CLSPN: variants seen among roughly 807,000 people sequenced by gnomAD.
The protein encoded by CLSPN is claspin, also known as claspin homolog.
In CLSPN, 85 loss-of-function variants were observed where a neutral mutation model predicts 156.3. That is an observed-to-expected ratio of 0.54 (90% CI 0.46 to 0.65). The LOEUF is 0.65. Among genes scored for constraint, CLSPN ranks in the 30% least tolerant of loss-of-function variants. The pLI is 0.00. For missense variants in CLSPN, 1,407 were observed against 1,554.9 expected (o/e 0.90, Z 1.60); for synonymous variants, 534 against 542.4 (o/e 0.98, Z 0.22).
chr1:35,732,631 T>A lies in CLSPN; in HGVS notation c.*3865A>T. 1.0e-6 allele frequency: 1 copy of A among 985,460 alleles called. No homozygotes were observed. The highest frequency in any genetic ancestry group is 1.2e-6 in the Non-Finnish European group (1 of 829,942). The allele number at this position is 985,460 out of a possible 1,614,324, so 61.0% of individuals were successfully genotyped here. On this transcript the variant is annotated 3_prime_UTR_variant, in exon 25 of 25. Transcript: ENST00000318121. ...AAGGAAGAAACAAAAACACTGACAC[T>A]GAGCCTACCCTATCTCCCACACTCA... is the stretch of plus-strand genomic sequence containing the variant.
At chr1:35,724,751 C>T (rs974609943) in intron 24 of CLSPN, among the ~76,000 whole-genome samples, 1 of 152,250 alleles carries the variant, frequency 6.6e-6, no homozygotes. Context: ...GGACCTTTGA[C>T]ATGCCAAAGA....
chr1:35,726,388 G>T (rs1321018051), intron 24 of CLSPN, among the ~76,000 whole-genome samples: 1 of 152,094 alleles, frequency 6.6e-6, no homozygotes, highest in African/African-American at 2.4e-5. Flanking sequence ...ATTCCCAGAA[G>T]AATCTCTTAG....
At position 35,760,482 on chromosome 1, in the gene CLSPN, GATTT is replaced by G; in HGVS notation, c.1435_1438del (p.Lys479HisfsTer10). On this transcript the variant is annotated frameshift_variant, in exon 8 of 25. Transcript: ENST00000318121. LOFTEE classifies it high-confidence loss of function. Reference sequence around the variant, plus strand: ...TTTTTCAGGTGGCCCAACTGCTGATGATTTATTTTGCTGCTCAGGCTCTTCCACT... The same window carrying G: ...TTTTTCAGGTGGCCCAACTGCTGATGATTTTGCTGCTCAGGCTCTTCCACT... 6.2e-7 allele frequency: 1 copy of G among 1,614,194 alleles called. No individual in the cohort carries two copies. Among genetic ancestry groups the G allele is most frequent in the Non-Finnish European group, 8.5e-7 (1 of 1,180,036 alleles).
chr1:35,765,364 T>G (rs1205171058), intron 1 of CLSPN, 38 bp from the exon 2 acceptor site: 1 of 1,427,700 alleles, frequency 7.0e-7, no homozygotes, highest in African/African-American at 1.4e-5. Flanking sequence ...AACCAGCAGG[T>G]GACCGAAAGC....
At position 35,743,453 on chromosome 1, in the gene CLSPN, A is replaced by T; in HGVS notation, c.3042+2T>A. 1 of 1,610,710 alleles carries T rather than the reference A, an allele frequency of 6.2e-7. No individual in the cohort carries two copies. On this transcript the variant is annotated splice_donor_variant, in intron 17 of 24. Transcript: ENST00000318121. LOFTEE classifies it high-confidence loss of function. ...TGATTACTTTGTTCCCTTCATACTC[A>T]CCTCATCACTATCAAACTCATTATC...
downstream of CLSPN, among the ~76,000 whole-genome samples, chr1:35,727,902 C>T (rs1641229939): frequency 6.6e-6 from 1 of 152,094 alleles, no homozygotes; most frequent in African/African-American, 2.4e-5. Flanking sequence ...ATTTCTCAGG[C>T]CAGAAAGGGT....
intron 8 of CLSPN, among the ~76,000 whole-genome samples, chr1:35,758,903 G>A (rs1230740058): frequency 2.0e-5 from 3 of 151,160 alleles, no homozygotes; most frequent in African/African-American, 7.3e-5. Flanking sequence ...CGAGTAGCTG[G>A]AACTACAGGT....
At position 35,748,510 on chromosome 1, in the gene CLSPN, G is replaced by A; in HGVS notation, c.2367C>T (p.Cys789=). The A allele has an allele frequency of 4.3e-6, 7 of 1,614,132 alleles. No individual in the cohort carries two copies. The highest frequency in any genetic ancestry group is 5.9e-6 in the Non-Finnish European group (7 of 1,179,990). The part of the protein sequence containing the change: ...IGSTIPSYQP[C]NRQTGRGTSF... ...TGGTCCCACGGCCTGTTTGTCTGTT[G>A]CAAGGCTGATAGGATGGAATCGTGG... The change falls in exon 13 of 25, where the codon TGC becomes TGT. Residue 789 remains cysteine, a synonymous_variant. Coordinates refer to ENST00000318121, the MANE Select transcript of CLSPN (RefSeq NM_022111.4).
chr1:35,724,547 G>GT lies in CLSPN; in HGVS notation c.3910-3568dup, dbSNP rs1427289567. 6.6e-5 allele frequency among the ~76,000 whole-genome samples: 10 copies of GT among 152,314 alleles called. No homozygotes were observed. In the East Asian group the frequency reaches 1.5e-3, roughly 23 times the overall value. ...AGCACGATCCTGGATTACAAACTAC[G>GT]TTGCTAACCTGCTTTCTTCTCTCTT... On this transcript the variant is annotated intron_variant, in intron 24 of 24. Transcript: ENST00000251195.
chr1:35,756,650 A>G (rs992721663), intron 8 of CLSPN, among the ~76,000 whole-genome samples: 4 of 152,224 alleles, frequency 2.6e-5, no homozygotes, highest in African/African-American at 7.2e-5. Flanking sequence ...GCTCTTGTCC[A>G]GAAAGTAGAG....
At position 35,733,323 on chromosome 1, in the gene CLSPN, T is replaced by TC. The variant is rs1192759854; in HGVS notation, c.*3172_*3173insG. 3.8e-5 allele frequency: 9 copies of TC among 239,738 alleles called. No individual in the cohort carries two copies. Among genetic ancestry groups the TC allele is most frequent in the South Asian group, 1.5e-4 (1 of 6,480 alleles). 14.9% of individuals were successfully genotyped at this position (239,738 alleles called of 1,614,324 possible). On this transcript the variant is annotated 3_prime_UTR_variant, in exon 25 of 25. Coordinates refer to ENST00000318121, the MANE Select transcript of CLSPN (RefSeq NM_022111.4). ...GCACTAATTTTCTTTTTTTTTTCTT[T>TC]TTTTTTTTTTTTTTAGAGTTGGGAT...
At chr1:35,755,842 A>C (rs1050235849) in intron 8 of CLSPN, among the ~76,000 whole-genome samples, 1 of 152,128 alleles carries the variant, frequency 6.6e-6, no homozygotes, top group African/African-American at 2.4e-5. Flanking sequence ...CCAAGTAGCT[A>C]GGACTACAGG....
chr1:35,754,047 T>A (rs969768049), intron 8 of CLSPN, 111 bp from the exon 9 acceptor site: 1 of 941,448 alleles, frequency 1.1e-6, no homozygotes, highest in Non-Finnish European at 1.5e-6. Context: ...AAACCACACA[T>A]ACACAGAGAA....
intron 4 of CLSPN, among the ~76,000 whole-genome samples, 174 bp downstream of exon 4, chr1:35,762,986 G>C (rs1392114198): frequency 6.6e-6 from 1 of 151,452 alleles, no homozygotes; most frequent in African/African-American, 2.4e-5. Flanking sequence ...AAAGAAGTTA[G>C]CATGTCTATC....
intron 9 of CLSPN, among the ~76,000 whole-genome samples, chr1:35,751,793 A>C (rs1302635407): frequency 6.6e-6 from 1 of 152,150 alleles, no homozygotes; most frequent in Non-Finnish European, 1.5e-5. Context: ...AAAGCCATGA[A>C]GAAAAACATT....
In CLSPN at chr1:35,751,273, C is replaced by T. The variant is rs1329577318; in HGVS notation, c.2005G>A (p.Glu669Lys). The T allele has an allele frequency of 3.1e-6, 5 of 1,593,944 alleles. No homozygotes were observed. Among genetic ancestry groups the T allele is most frequent in the African/African-American group, 2.7e-5 (2 of 74,602 alleles). The change falls in exon 10 of 25, where the codon GAG becomes AAG. Residue 669 changes from glutamate to lysine, a missense_variant. Coordinates refer to ENST00000318121, the MANE Select transcript of CLSPN (RefSeq NM_022111.4). ...ACCTCCTGATTTCCTTCTTCTTCCTCCTCCTCTTCTTTCTCCTCCTCTTCC... is the reference window on the plus strand; with the variant it reads ...ACCTCCTGATTTCCTTCTTCTTCCTTCTCCTCTTCTTTCTCCTCCTCTTCC... ...LEEEEEKEEE[E>K]EEEGNQETAE...
chr1:35,737,518 T>A, intron 22 of CLSPN, 97 bp from the exon 23 acceptor site: 1 of 922,668 alleles, frequency 1.1e-6, no homozygotes, highest in Non-Finnish European at 1.7e-6. Context: ...TAAATCAATA[T>A]GCTAAAGCCA....
At chr1:35,751,697 G>A (rs1157408694) in intron 9 of CLSPN, among the ~76,000 whole-genome samples, 191 bp from the exon 10 acceptor site, 1 of 152,038 alleles carries the variant, frequency 6.6e-6, no homozygotes, top group Non-Finnish European at 1.5e-5. Context: ...CTGCACCCTA[G>A]ATAGTATACT....
chr1:35,739,051 T>C, intron 20 of CLSPN, 85 bp downstream of exon 20: 1 of 1,497,292 alleles, frequency 6.7e-7, no homozygotes, highest in Non-Finnish European at 9.2e-7. Flanking sequence ...CACCTGCCTC[T>C]GCCTCCCAAA....
Sources: allele counts gnomAD v4.1 joint callset (sites outside exome capture counted in the v4.1 genomes callset), GRCh38; gene constraint gnomAD v4.1.1; transcripts MANE v1.5; gene names NCBI Gene and HGNC (gene_info 2026-07-23, HGNC 2026-07-21).